The following SH3BP5 variants were observed in gnomAD, a reference collection of about 807,000 sequenced individuals.
SH3BP5 encodes SH3 domain-binding protein 5.
SH3BP5 carries 22 observed loss-of-function variants against 43.3 expected under a neutral mutation model. The ratio of observed to expected loss-of-function variants is 0.51; its 90% CI spans 0.36 to 0.73. SH3BP5 has a LOEUF of 0.73. Among genes scored for constraint, SH3BP5 ranks in the 30% least tolerant of loss-of-function variants. SH3BP5 has a pLI of 0.00. For missense variants in SH3BP5, 529 were observed against 586.9 expected, an observed-to-expected ratio of 0.90 and a Z score of 1.02; for synonymous variants, 255 against 225.8, an observed-to-expected ratio of 1.13 and a Z score of -1.16.
chr3:15,293,899 G>A (rs570934302), intron 3 of SH3BP5, among the ~76,000 whole-genome samples: 8 of 152,058 alleles, frequency 5.3e-5, no homozygotes, highest in Middle Eastern at 3.4e-3. Flanking sequence ...CCAACATGAC[G>A]AAATCCTGTC....
At chr3:15,260,104 G>A (rs1363854709) in intron 5 of SH3BP5, 2 of 441,152 alleles carry the variant, frequency 4.5e-6, no homozygotes, top group Non-Finnish European at 8.3e-6. Context: ...CTCCTCTGTG[G>A]GAAGGCTGTT....
At chr3:15,278,635 A>G (rs908213326) in intron 3 of SH3BP5, among the ~76,000 whole-genome samples, 5 of 152,242 alleles carry the variant, frequency 3.3e-5, no homozygotes, top group African/African-American at 9.6e-5. Flanking sequence ...CTTTGAAAAC[A>G]TCTTCTGGAG....
intron 4 of SH3BP5, among the ~76,000 whole-genome samples, chr3:15,265,902 G>A (rs533298773): frequency 4.0e-4 from 61 of 152,092 alleles, no homozygotes; most frequent in South Asian, 1.2e-3. Context: ...GCACCTTCCC[G>A]CATGGGCACC....
chr3:15,295,327 T>G lies in SH3BP5; in HGVS notation c.330+8776A>C, dbSNP rs988565318. Among the ~76,000 whole-genome samples the G allele has an allele frequency of 3.3e-5, 5 of 152,282 alleles. No individual in the cohort carries two copies. The South Asian group carries it at 1.0e-3, about 32-fold the overall frequency. ...CCATCCATCGACATGCACAGAGTGGTGAAAAAATGAGCTACCTGATACATA... is the reference window on the plus strand; with the variant it reads ...CCATCCATCGACATGCACAGAGTGGGGAAAAAATGAGCTACCTGATACATA... On this transcript the variant is annotated intron_variant, in intron 3 of 8. Transcript: ENST00000383791.
chr3:15,337,070 T>G (rs1404451755), upstream of SH3BP5, among the ~76,000 whole-genome samples: 3 of 149,868 alleles, frequency 2.0e-5, no homozygotes, highest in South Asian at 4.2e-4. Flanking sequence ...AGAGTTGGGG[T>G]TTTTTTTAGT....
rs754771928 is a variant in SH3BP5, at chr3:15,257,070, C to T, written c.933G>A (p.Val311=). Residue 311 remains valine (V), a synonymous_variant, in exon 8 of 9, where the codon GTG becomes GTA. Transcript: ENST00000383791. The stretch of plus-strand genomic sequence containing the variant: ...ACTGGGTTTCCGAGTCATCTTCAGA[C>T]ACAAAGTTGCTACAGCTGTCATCTT... ...AFEDDSCSNF[V]SEDDSETQSV... is the part of the protein sequence containing the mutation. The T allele has an allele frequency of 6.2e-6, 10 of 1,614,218 alleles. No individual in the cohort carries two copies. In the South Asian group the frequency reaches 8.8e-5, roughly 14 times the overall value.
In SH3BP5 at chr3:15,259,773, A is replaced by G. The variant is rs752332660; in HGVS notation, c.657T>C (p.Tyr219=). The change falls in exon 6 of 9, where the codon TAT becomes TAC. Residue 219 remains tyrosine, a synonymous_variant. Transcript: ENST00000383791. ...AAGCTACACATACCTCGAGCTGCAC[A>G]TAGTACTTTGCCTTGAGTTCAAAAT... is the stretch of plus-strand genomic sequence containing the variant. ...KPYFELKAKY[Y]VQLEQLKKTV... is the part of the protein sequence containing the mutation. The G allele has an allele frequency of 1.5e-5, 25 of 1,614,200 alleles. No individual in the cohort carries two copies. The highest frequency in any genetic ancestry group is 1.9e-5 in the Non-Finnish European group (23 of 1,180,014).
At position 15,261,316 on chromosome 3, in the gene SH3BP5, C is replaced by T. The variant is rs148500777; in HGVS notation, c.626+843G>A. 1.0e-3 allele frequency among the ~76,000 whole-genome samples: 158 copies of T among 152,308 alleles called. 2 individuals carry two copies. The Middle Eastern group carries it at 0.014, about 13-fold the overall frequency. ...GAGCAGAAACTAAAGAAAAGTCAAG[C>T]CTGGGTGAAGGTACTGGGGGGTAGT... On this transcript the variant is annotated intron_variant, in intron 5 of 8. Transcript: ENST00000383791.
intron 3 of SH3BP5, among the ~76,000 whole-genome samples, chr3:15,283,133 C>A (rs983840465): frequency 6.6e-6 from 1 of 152,206 alleles, no homozygotes; most frequent in Non-Finnish European, 1.5e-5. Flanking sequence ...TGCGGTGGCT[C>A]ACGCCTGTAA....
intron 5 of SH3BP5, among the ~76,000 whole-genome samples, chr3:15,261,766 ATGTAT>A (rs1331167839): frequency 5.3e-5 from 8 of 152,154 alleles, no homozygotes; most frequent in African/African-American, 1.2e-4. Context: ...CACAGGAAAC[ATGTAT>A]TGTGAACACA....
intron 2 of SH3BP5, among the ~76,000 whole-genome samples, chr3:15,321,830 C>A (rs1303928912): frequency 6.7e-6 from 1 of 149,796 alleles, no homozygotes; most frequent in East Asian, 1.9e-4. Context: ...AAAAAAAAAT[C>A]TAAAGTCTTA....
At chr3:15,267,848 G>A (rs1289318034) in intron 4 of SH3BP5, among the ~76,000 whole-genome samples, 1 of 151,918 alleles carries the variant, frequency 6.6e-6, no homozygotes, top group Non-Finnish European at 1.5e-5. Context: ...AGCATGGTTT[G>A]TTTATCTTTA....
Position 15,256,296 on chromosome 3 carries a change from C to T in SH3BP5, c.1158G>A (p.Arg386=), listed in dbSNP as rs115681335. The stretch of plus-strand genomic sequence containing the variant: ...TTGTTTTATTCTCTGCCCCTTCTGC[C>T]CTGTCTCCTATAGAAATACAAGGAT... The part of the protein sequence containing the change: ...SPECEVERGD[R]AEGAENKTSD... Residue 386 remains arginine (R), a synonymous_variant, in exon 9 of 9, where the codon AGG becomes AGA. Coordinates refer to ENST00000383791, the MANE Select transcript of SH3BP5 (RefSeq NM_004844.5). 5.1e-3 allele frequency: 8,170 copies of T among 1,612,312 alleles called. 43 individuals carry two copies. Among genetic ancestry groups the T allele is most frequent in the Non-Finnish European group, 6.3e-3 (7,490 of 1,179,794 alleles).
intron 3 of SH3BP5, among the ~76,000 whole-genome samples, chr3:15,285,011 T>C (rs1697226795): frequency 6.6e-6 from 1 of 152,188 alleles, no homozygotes; most frequent in South Asian, 2.1e-4. Context: ...ATAGGATTTC[T>C]AGGATCTCGT....
At chr3:15,283,574 A>G (rs1287807133) in intron 3 of SH3BP5, among the ~76,000 whole-genome samples, 2 of 152,210 alleles carry the variant, frequency 1.3e-5, no homozygotes, top group East Asian at 1.9e-4. Context: ...AATGGCCCCA[A>G]TAGCCTGTTA....
chr3:15,262,960 A>AAT (rs1417049090), intron 4 of SH3BP5, among the ~76,000 whole-genome samples: 1 of 152,188 alleles, frequency 6.6e-6, no homozygotes, highest in Non-Finnish European at 1.5e-5. Context: ...TCCATCTCAA[A>AAT]ATATATATGT....
intron 3 of SH3BP5, among the ~76,000 whole-genome samples, chr3:15,278,843 C>G (rs552327274): frequency 4.5e-4 from 68 of 152,208 alleles, no homozygotes; most frequent in Non-Finnish European, 8.1e-4. Context: ...TTCATTATTT[C>G]TATCAAAATT....
intron 2 of SH3BP5, among the ~76,000 whole-genome samples, chr3:15,308,518 C>T (rs1219958389): frequency 6.6e-6 from 1 of 152,158 alleles, no homozygotes; most frequent in Admixed American, 6.6e-5. Context: ...CAACCCAAGT[C>T]AGACATGAAG....
At chr3:15,276,394 G>A (rs899785298) in intron 3 of SH3BP5, among the ~76,000 whole-genome samples, 5 of 152,210 alleles carry the variant, frequency 3.3e-5, no homozygotes, top group Non-Finnish European at 5.9e-5. Context: ...GAGCCAGGAA[G>A]CCACAGCCCC....
Sources: allele counts gnomAD v4.1 joint callset (sites outside exome capture counted in the v4.1 genomes callset), GRCh38; gene constraint gnomAD v4.1.1; transcripts MANE v1.5; gene names NCBI Gene and HGNC (gene_info 2026-07-23, HGNC 2026-07-21).